SV2B: variants seen among roughly 807,000 people sequenced by gnomAD.
SV2B encodes the protein synaptic vesicle glycoprotein 2B.
A neutral mutation model predicts 73.9 loss-of-function variants in SV2B; 41 were observed. That is an observed-to-expected ratio of 0.56 (90% CI 0.43 to 0.72). SV2B has a LOEUF of 0.72. SV2B is among the 30% of genes least tolerant of loss of function. The probability of loss-of-function intolerance (pLI) is 0.00; values close to 1 mark genes in which losing one functional copy is unlikely to be tolerated. For synonymous variants in SV2B, 314 were observed against 314.2 expected (o/e 1.00, Z 0.01); for missense variants, 764 against 857.8 (o/e 0.89, Z 1.37).
chr15:91,237,108 A>G (rs1022637639), intron 2 of SV2B, among the ~76,000 whole-genome samples: 4 of 152,180 alleles, frequency 2.6e-5, no homozygotes, highest in Admixed American at 2.6e-4. Flanking sequence ...AATAGACTCC[A>G]TCTTCTAATG....
intron 1 of SV2B, among the ~76,000 whole-genome samples, chr15:91,200,338 G>A (rs564518897): frequency 5.9e-5 from 9 of 152,288 alleles, no homozygotes; most frequent in South Asian, 2.1e-4. Context: ...GATATTGATC[G>A]GGCCATATGG....
rs746614028 is a variant in SV2B, at chr15:91,229,639, G to T, written c.451+2925G>T. On this transcript the variant is annotated intron_variant, in intron 2 of 12. Coordinates refer to ENST00000394232, the MANE Select transcript of SV2B (RefSeq NM_001323032.3). The surrounding 1 kb of genome is among the most constrained non-coding windows in gnomAD (Gnocchi z 4.3). ...GATAATAATAGTATCTACTTCATAGGATTATTCTGAGGACTAAATAAGGTT... is the reference window on the plus strand; with the variant it reads ...GATAATAATAGTATCTACTTCATAGTATTATTCTGAGGACTAAATAAGGTT... 6.6e-6 allele frequency among the ~76,000 whole-genome samples: 1 copy of T among 152,058 alleles called. No individual in the cohort carries two copies. The highest frequency in any genetic ancestry group is 1.5e-5 in the Non-Finnish European group (1 of 68,014).
chr15:91,179,826 T>C (rs949286058), intron 1 of SV2B, among the ~76,000 whole-genome samples: 5 of 152,180 alleles, frequency 3.3e-5, no homozygotes, highest in Non-Finnish European at 7.3e-5. Context: ...AGCACACTGA[T>C]GGGTCTTGAC....
intron 2 of SV2B, among the ~76,000 whole-genome samples, chr15:91,237,045 G>T (rs1294608873): frequency 1.3e-5 from 2 of 151,838 alleles, no homozygotes; most frequent in African/African-American, 4.8e-5. Context: ...TTATTTCCTT[G>T]AATTCTATTT....
intron 1 of SV2B, among the ~76,000 whole-genome samples, chr15:91,119,638 A>G (rs2042271602): frequency 6.6e-6 from 1 of 152,266 alleles, no homozygotes; most frequent in East Asian, 1.9e-4. Context: ...AGGAAAACTT[A>G]TAAATGATAA....
intron 9 of SV2B, among the ~76,000 whole-genome samples, chr15:91,272,717 A>G (rs996846682): frequency 2.0e-5 from 3 of 151,912 alleles, no homozygotes; most frequent in African/African-American, 7.2e-5. Context: ...GAGCAGAGAG[A>G]GGAAGAAAGC....
In SV2B at chr15:91,206,393, T is replaced by C. The variant is rs367781079; in HGVS notation, c.-391-19480T>C. On this transcript the variant is annotated intron_variant, in intron 1 of 12. Coordinates refer to ENST00000394232, the MANE Select transcript of SV2B (RefSeq NM_001323032.3). ...GCTCCCCCTTCCAGCAGGTTCTCCATGTATACAGCCATGTGTATGGCATTG... is the reference window on the plus strand; with the variant it reads ...GCTCCCCCTTCCAGCAGGTTCTCCACGTATACAGCCATGTGTATGGCATTG... Among the ~76,000 whole-genome samples the C allele has an allele frequency of 6.6e-5, 10 of 152,118 alleles. No individual in the cohort carries two copies. The East Asian group carries it at 1.3e-3, about 21-fold the overall frequency.
chr15:91,292,659 A>C lies in SV2B; in HGVS notation c.*107A>C. ...CGGAGGACACCTTGGATAGCACGGGAGGAGAAGTTGACTTTGTGACCCCTA... is the reference window on the plus strand; with the variant it reads ...CGGAGGACACCTTGGATAGCACGGGCGGAGAAGTTGACTTTGTGACCCCTA... On this transcript the variant is annotated 3_prime_UTR_variant, in exon 13 of 13. Transcript: ENST00000394232. 7.3e-7 allele frequency: 1 copy of C among 1,373,098 alleles called. No homozygotes were observed. Among genetic ancestry groups the C allele is most frequent in the Non-Finnish European group, 9.7e-7 (1 of 1,026,020 alleles). The allele number at this position is 1,373,098 out of a possible 1,614,324, so 85.1% of individuals were successfully genotyped here.
In SV2B at chr15:91,121,209, C is replaced by T. The variant is rs374971928; in HGVS notation, c.-392+20846C>T. On this transcript the variant is annotated intron_variant, in intron 1 of 12. Transcript: ENST00000394232. The surrounding 1 kb of genome is among the most constrained non-coding windows in gnomAD (Gnocchi z 4.4). ...GAAGTTTAGTGAGCACCGCTGATTTCGAGTCAAAGTTTTCTTCACCTCAGG... is the reference window on the plus strand; with the variant it reads ...GAAGTTTAGTGAGCACCGCTGATTTTGAGTCAAAGTTTTCTTCACCTCAGG... Among the ~76,000 whole-genome samples the T allele has an allele frequency of 1.6e-4, 25 of 152,048 alleles. No individual in the cohort carries two copies. The highest frequency in any genetic ancestry group is 8.3e-4 in the South Asian group (4 of 4,822).
rs569476146 is a variant in SV2B, at chr15:91,232,431, G to A, written c.451+5717G>A. ...CACGGATTGCTGTGTTTAGGAGTGT[G>A]GAGTTGATTCCACCGGCAATGGAGA... On this transcript the variant is annotated intron_variant, in intron 2 of 12. Coordinates refer to ENST00000394232, the MANE Select transcript of SV2B (RefSeq NM_001323032.3). The surrounding 1 kb of genome is among the most constrained non-coding windows in gnomAD (Gnocchi z 4.7). 6.6e-6 allele frequency among the ~76,000 whole-genome samples: 1 copy of A among 152,166 alleles called. No homozygotes were observed. The highest frequency in any genetic ancestry group is 1.5e-5 in the Non-Finnish European group (1 of 68,038).
At chr15:91,264,168 C>T (rs1036765708) in intron 6 of SV2B, among the ~76,000 whole-genome samples, 1 of 152,248 alleles carries the variant, frequency 6.6e-6, no homozygotes, top group African/African-American at 2.4e-5. Flanking sequence ...CTTAGCCAGG[C>T]GTTTCCTAAC....
Position 91,231,454 on chromosome 15 carries a change from T to G in SV2B, c.451+4740T>G, listed in dbSNP as rs2046570902. 6.6e-6 allele frequency among the ~76,000 whole-genome samples: 1 copy of G among 152,186 alleles called. No homozygotes were observed. On this transcript the variant is annotated intron_variant, in intron 2 of 12. Coordinates refer to ENST00000394232, the MANE Select transcript of SV2B (RefSeq NM_001323032.3). This position sits in a 1 kb window ranked among gnomAD's most constrained non-coding sequence, Gnocchi z 4.5. ...AATTGGCTTTCTAATCTGATTAGAT[T>G]TAAAGATACTTTATTTTTTGAGTGT...
intron 1 of SV2B, among the ~76,000 whole-genome samples, chr15:91,178,681 G>A (rs2044424000): frequency 6.6e-6 from 1 of 151,734 alleles, no homozygotes; most frequent in African/African-American, 2.4e-5. Context: ...TATTTGCGTA[G>A]AGGTGTTTGT....
intron 1 of SV2B, among the ~76,000 whole-genome samples, chr15:91,117,372 C>A (rs181720466): frequency 2.6e-5 from 4 of 152,202 alleles, no homozygotes; most frequent in African/African-American, 7.2e-5. Flanking sequence ...GGACATATAG[C>A]GAGGGTATTA....
intron 9 of SV2B, among the ~76,000 whole-genome samples, chr15:91,276,218 T>G (rs900160797): frequency 1.3e-5 from 2 of 152,042 alleles, no homozygotes; most frequent in Non-Finnish European, 2.9e-5. Flanking sequence ...CCTTCAAGAT[T>G]TTCCCTTTAT....
intron 1 of SV2B, among the ~76,000 whole-genome samples, chr15:91,193,231 G>A (rs2045110869): frequency 6.6e-6 from 1 of 152,190 alleles, no homozygotes; most frequent in African/African-American, 2.4e-5. Context: ...AGGAGAAGGA[G>A]ACGGCCTGCT....
intron 1 of SV2B, among the ~76,000 whole-genome samples, chr15:91,179,394 A>C (rs1375017952): frequency 6.6e-6 from 1 of 152,194 alleles, no homozygotes; most frequent in African/African-American, 2.4e-5. Context: ...AGAGTTCTGT[A>C]GATGTCTATT....
At position 91,240,047 on chromosome 15, in the gene SV2B, G is replaced by C. The variant is rs2046944693; in HGVS notation, c.452-11772G>C. On this transcript the variant is annotated intron_variant, in intron 2 of 12. Coordinates refer to ENST00000394232, the MANE Select transcript of SV2B (RefSeq NM_001323032.3). This position sits in a 1 kb window ranked among gnomAD's most constrained non-coding sequence, Gnocchi z 4.6. ...CCTTAGGGTTGAGTGTGTCTGAGGA[G>C]GCAATCTCTCTGAACACGTTTAATA... Among the ~76,000 whole-genome samples the C allele has an allele frequency of 6.6e-6, 1 of 152,188 alleles. No homozygotes were observed. Among genetic ancestry groups the C allele is most frequent in the African/African-American group, 2.4e-5 (1 of 41,440 alleles).
intron 1 of SV2B, among the ~76,000 whole-genome samples, chr15:91,195,516 T>C (rs2045213856): frequency 1.3e-5 from 2 of 152,234 alleles, no homozygotes; most frequent in South Asian, 4.1e-4. Context: ...ATGAGCATTT[T>C]ACCTGGGTTG....
Sources: allele counts gnomAD v4.1 joint callset (sites outside exome capture counted in the v4.1 genomes callset), GRCh38; gene constraint gnomAD v4.1.1; non-coding constraint Gnocchi (gnomAD v3.1); transcripts MANE v1.5; gene names NCBI Gene and HGNC (gene_info 2026-07-23, HGNC 2026-07-21).